The following PNPT1 variants were observed in gnomAD, a reference collection of about 807,000 sequenced individuals.
PNPT1 encodes the protein polyribonucleotide nucleotidyltransferase 1, also known as polyribonucleotide nucleotidyltransferase 1, mitochondrial.
A neutral mutation model predicts 119.5 loss-of-function variants in PNPT1; 53 were observed. That is an observed-to-expected ratio of 0.44 (90% CI 0.36 to 0.56). PNPT1 has a LOEUF of 0.56. PNPT1 is among the 20% of genes least tolerant of loss of function. The pLI is 0.00. For missense variants in PNPT1, 948 were observed against 938.5 expected, an observed-to-expected ratio of 1.01 and a Z score of -0.13; for synonymous variants, 357 against 322.1, an observed-to-expected ratio of 1.11 and a Z score of -1.16.
chr2:55,684,995 C>T lies in PNPT1; in HGVS notation c.351G>A (p.Leu117=), dbSNP rs762935427. ...TATCAGAAGTACCAATCTCTCTTCTCAGATAGTTTGTGGGAATTCTACCTG... is the reference window on the plus strand; with the variant it reads ...TATCAGAAGTACCAATCTCTCTTCTTAGATAGTTTGTGGGAATTCTACCTG... ...AAAGRIPTNY[L]RREIGTSDKE... The change falls in exon 4 of 28, where the codon CTG becomes CTA. Residue 117 remains leucine (L), a synonymous_variant. Coordinates refer to ENST00000447944, the MANE Select transcript of PNPT1 (RefSeq NM_033109.5). 6.3e-7 allele frequency: 1 copy of T among 1,594,928 alleles called. No homozygotes were observed. Among genetic ancestry groups the T allele is most frequent in the Non-Finnish European group, 8.6e-7 (1 of 1,166,192 alleles).
chr2:55,662,382 T>C (rs943327860), intron 13 of PNPT1, among the ~76,000 whole-genome samples: 1 of 151,186 alleles, frequency 6.6e-6, no homozygotes, highest in Non-Finnish European at 1.5e-5. Context: ...TGCTTAAAAT[T>C]AAAAAAAAAT....
intron 11 of PNPT1, among the ~76,000 whole-genome samples, chr2:55,669,761 A>T: frequency 6.8e-6 from 1 of 147,190 alleles, no homozygotes; most frequent in South Asian, 2.1e-4. Flanking sequence ...TGCTAACAGC[A>T]CTTTTTTTTT....
intron 17 of PNPT1, 129 bp from the exon 18 acceptor site, chr2:55,655,082 G>T: frequency 1.2e-6 from 1 of 857,460 alleles, no homozygotes; most frequent in Non-Finnish European, 1.8e-6. Flanking sequence ...CTTTTTAAAA[G>T]CAACTAAGGC....
chr2:55,686,541 A>G, intron 2 of PNPT1, 97 bp from the exon 3 acceptor site: 1 of 826,694 alleles, frequency 1.2e-6, no homozygotes, highest in Non-Finnish European at 1.9e-6. Flanking sequence ...TAAACTCAAG[A>G]AAAGATATCT....
chr2:55,640,398 C>T (rs765012140), intron 26 of PNPT1, among the ~76,000 whole-genome samples: 20 of 152,156 alleles, frequency 1.3e-4, no homozygotes, highest in Non-Finnish European at 2.9e-4. Flanking sequence ...GTGATTCACC[C>T]GCCTCGGACT....
chr2:55,666,983 TA>T lies in PNPT1; in HGVS notation c.1176+7del, dbSNP rs781277694. On this transcript the variant is annotated splice_region_variant and intron_variant, in intron 13 of 27. Coordinates refer to ENST00000447944, the MANE Select transcript of PNPT1 (RefSeq NM_033109.5). Reference sequence around the variant, plus strand: ...TAGCAAATAATTAGAGCTTTTTATATAAATTACCTGTGTTTGTCCTCTTTGA... The same window carrying T: ...TAGCAAATAATTAGAGCTTTTTATATAATTACCTGTGTTTGTCCTCTTTGA... 178 of 1,531,702 alleles carry T rather than the reference TA, an allele frequency of 1.2e-4. No homozygotes were observed. Among genetic ancestry groups the T allele is most frequent in the Middle Eastern group, 7.3e-4 (4 of 5,490 alleles). The allele number at this position is 1,531,702 out of a possible 1,614,324, so 94.9% of individuals were successfully genotyped here.
At chr2:55,648,700 G>A (rs1696080217) in intron 18 of PNPT1, among the ~76,000 whole-genome samples, 1 of 151,732 alleles carries the variant, frequency 6.6e-6, no homozygotes, top group South Asian at 2.1e-4. Context: ...CTTTCAATAT[G>A]GACAGAGCTT....
chr2:55,635,237 G>C lies in PNPT1; in HGVS notation c.*1000C>G. ...ATTAACCGAAAGTCATGATCCTTCA[G>C]CTCTTATACTAAGAACTTCCATACA... On this transcript the variant is annotated 3_prime_UTR_variant, in exon 28 of 28. Transcript: ENST00000447944. The C allele has an allele frequency of 6.6e-6, 1 of 151,978 alleles. No individual in the cohort carries two copies. The highest frequency in any genetic ancestry group is 1.9e-4 in the East Asian group (1 of 5,184). 9.4% of individuals were successfully genotyped at this position (151,978 alleles called of 1,614,324 possible).
At position 55,651,764 on chromosome 2, in the gene PNPT1, T is replaced by C. The variant is rs1474855310; in HGVS notation, c.1495+3136A>G. ...CCCCTCTGTGAGAAACACCCAAGAA[T>C]GATCAATTTAAAAAAAAAAAAAAAA... On this transcript the variant is annotated intron_variant, in intron 18 of 27. Coordinates refer to ENST00000447944, the MANE Select transcript of PNPT1 (RefSeq NM_033109.5). Among the ~76,000 whole-genome samples the C allele has an allele frequency of 2.5e-5, 3 of 120,966 alleles. No homozygotes were observed. The East Asian group carries it at 6.7e-4, about 27-fold the overall frequency. The allele number at this position is 120,966 out of a possible 152,430, so 79.4% of individuals were successfully genotyped here. A position where few individuals can be genotyped will look rare whatever the true frequency, so the allele number is the denominator to read the frequency against.
rs1241031168 is a variant in PNPT1 at position 55,634,542 on chromosome 2, A to C, written c.*1695T>G. 1 of 147,058 alleles carries C rather than the reference A, an allele frequency of 6.8e-6. No homozygotes were observed. The allele number at this position is 147,058 out of a possible 1,614,324, so 9.1% of individuals were successfully genotyped here. On this transcript the variant is annotated 3_prime_UTR_variant, in exon 28 of 28. Coordinates refer to ENST00000447944, the MANE Select transcript of PNPT1 (RefSeq NM_033109.5). ...CTCCCAAAGTGCTGGAATTACAGGC[A>C]TGAGCTTCTGTGCCCACCATTTTTT... is the stretch of plus-strand genomic sequence containing the variant.
rs1267156042 is a variant in PNPT1, at chr2:55,672,959, C to T, written c.800G>A (p.Gly267Asp). 1.9e-6 allele frequency: 3 copies of T among 1,613,538 alleles called. No homozygotes were observed. The highest frequency in any genetic ancestry group is 2.5e-6 in the Non-Finnish European group (3 of 1,179,862). ...CTTCTGAGGTGTCCTCTTGGTAACA[C>T]CAGTTTCTTTTACCAACTGCTGAAT... ...QGIQQLVKET[G>D]VTKRTPQKLF... The change falls in exon 9 of 28, where the codon GGT becomes GAT. Residue 267 changes from glycine (G) to aspartate (D), a missense_variant. Gly to Asp is a moderately conservative substitution (Grantham distance 94). Transcript: ENST00000447944.
rs561640152 is a variant in PNPT1, at chr2:55,679,748, T to C, written c.613A>G (p.Thr205Ala). The C allele has an allele frequency of 6.2e-7, 1 of 1,612,526 alleles. No individual in the cohort carries two copies. Among genetic ancestry groups the C allele is most frequent in the Non-Finnish European group, 8.5e-7 (1 of 1,179,194 alleles). ...IIDGEYVVNP[T>A]RKEMSSSTLN... ...GTACTAGAAGACATTTCTTTTCTTG[T>C]TGGGTTAACAACATATTCTCCATCA... The change falls in exon 8 of 28, where the codon ACA becomes GCA. Residue 205 changes from threonine (T) to alanine (A), a missense_variant. Transcript: ENST00000447944.
intron 22 of PNPT1, 171 bp from the exon 23 acceptor site, chr2:55,644,891 T>G: frequency 2.2e-6 from 1 of 457,724 alleles, no homozygotes; most frequent in East Asian, 3.3e-5. Flanking sequence ...TTAAAGAATA[T>G]TCCCTAAAAT....
intron 12 of PNPT1, among the ~76,000 whole-genome samples, chr2:55,667,424 C>G (rs1043768327): frequency 6.6e-6 from 1 of 152,036 alleles, no homozygotes; most frequent in African/African-American, 2.4e-5. Context: ...GAAACCCCGT[C>G]TCTACTAAAA....
chr2:55,674,016 C>T (rs1327137278), intron 8 of PNPT1, among the ~76,000 whole-genome samples: 1 of 152,202 alleles, frequency 6.6e-6, no homozygotes, highest in Non-Finnish European at 1.5e-5. Context: ...AGCCACCGCT[C>T]CTGGCAATAC....
intron 18 of PNPT1, among the ~76,000 whole-genome samples, chr2:55,653,536 TAAGACTGTTTTGTTCATC>T (rs1369427778): frequency 6.6e-6 from 1 of 152,258 alleles, no homozygotes; most frequent in Non-Finnish European, 1.5e-5. Flanking sequence ...CCATGAAGTC[TAAGACTGTTTTGTTCATC>T]ACCATGTCCT....
chr2:55,671,371 G>T lies in PNPT1; in HGVS notation c.924C>A (p.Ser308=). The change falls in exon 11 of 28, where the codon TCC becomes TCA. Residue 308 remains serine (S), a synonymous_variant. Transcript: ENST00000447944. The part of the protein sequence containing the change: ...VFTDYEHDKV[S]RDEAVNKIRL... Reference sequence around the variant, plus strand: ...TTATTTTGTTAACAGCTTCATCTCTGGAAACCTAAAAGAAAGTTGAGGTTC... The same window carrying T: ...TTATTTTGTTAACAGCTTCATCTCTTGAAACCTAAAAGAAAGTTGAGGTTC... The T allele has an allele frequency of 6.6e-7, 1 of 1,524,578 alleles. No homozygotes were observed. The highest frequency in any genetic ancestry group is 1.3e-5 in the South Asian group (1 of 76,656). The allele number at this position is 1,524,578 out of a possible 1,614,324, so 94.4% of individuals were successfully genotyped here.
Position 55,671,312 on chromosome 2 carries a change from A to C in PNPT1, c.976+7T>G. ...AAAAAAATAAAATAAAATAAAATAA[A>C]ATTTACCTTTTAGTTGTTCCTCCGT... On this transcript the variant is annotated splice_region_variant and intron_variant, in intron 11 of 27. Coordinates refer to ENST00000447944, the MANE Select transcript of PNPT1 (RefSeq NM_033109.5). 1 of 1,457,480 alleles carries C rather than the reference A, an allele frequency of 6.9e-7. No homozygotes were observed. Among genetic ancestry groups the C allele is most frequent in the African/African-American group, 1.5e-5 (1 of 68,578 alleles). 90.3% of individuals were successfully genotyped at this position (1,457,480 alleles called of 1,614,324 possible). A position where few individuals can be genotyped will look rare whatever the true frequency, so the allele number is the denominator to read the frequency against.
Position 55,636,175 on chromosome 2 carries a change from T to G in PNPT1, c.*62A>C. 8.0e-7 allele frequency: 1 copy of G among 1,252,474 alleles called. No individual in the cohort carries two copies. Among genetic ancestry groups the G allele is most frequent in the Non-Finnish European group, 1.1e-6 (1 of 904,908 alleles). The allele number at this position is 1,252,474 out of a possible 1,614,324, so 77.6% of individuals were successfully genotyped here. ...CACAATGGAAGATACTACTAAAATG[T>G]TGCTCTACAGCACATCACCCTAGAC... is the stretch of plus-strand genomic sequence containing the variant. On this transcript the variant is annotated 3_prime_UTR_variant, in exon 28 of 28. Transcript: ENST00000447944.
Sources: gnomAD v4.1 joint callset for allele counts (sites outside exome capture counted in the v4.1 genomes callset) on GRCh38, gnomAD v4.1.1 for gene constraint, MANE v1.5 for transcripts, NCBI Gene and HGNC (gene_info 2026-07-23, HGNC 2026-07-21) for gene names.